Variants in C10orf67 observed in about 807,000 individuals in gnomAD.
C10orf67 encodes chromosome 10 open reading frame 67, also known as uncharacterized protein C10orf67, mitochondrial.
In C10orf67, 60 loss-of-function variants were observed where a neutral mutation model predicts 35.6. That is an observed-to-expected ratio of 1.68 (90% CI 1.37 to 2.09). The LOEUF is 2.09. Ranked by LOEUF, C10orf67 falls within the 30% of genes most tolerant of loss-of-function variation. The pLI is 0.00. For synonymous variants in C10orf67, 167 were observed against 115.8 expected, an observed-to-expected ratio of 1.44 and a Z score of -2.84; for missense variants, 474 against 330.2, an observed-to-expected ratio of 1.44 and a Z score of -3.38.
intron 5 of C10orf67, among the ~76,000 whole-genome samples, chr10:23,292,158 C>CTTTTTTTTTTTTTTT (rs542812504): frequency 1.4e-5 from 1 of 69,316 alleles, no homozygotes; most frequent in Admixed American, 1.5e-4. Flanking sequence ...GACAGCTACT[C>CTTTTTTTTTTTTTTT]TTTTTTTTTT....
chr10:23,299,560 TG>T (rs1248271956), intron 5 of C10orf67, among the ~76,000 whole-genome samples: 1 of 152,080 alleles, frequency 6.6e-6, no homozygotes, highest in Non-Finnish European at 1.5e-5. Flanking sequence ...TAGAAAAGCA[TG>T]TGAAAAGAGT....
chr10:23,336,722 C>T (rs1238479043), intron 1 of C10orf67, among the ~76,000 whole-genome samples: 1 of 152,028 alleles, frequency 6.6e-6, no homozygotes, highest in Non-Finnish European at 1.5e-5. Context: ...CCATGTTGGC[C>T]AGGCCGGTCT....
At chr10:23,344,300 AAG>A in intron 1 of C10orf67, 2 of 480,630 alleles carry the variant, frequency 4.2e-6, no homozygotes, top group Non-Finnish European at 3.7e-6. Context: ...GGGAAGGGGG[AAG>A]AGATGGAAAG....
At chr10:23,259,848 A>G (rs1842700893) in intron 10 of C10orf67, among the ~76,000 whole-genome samples, 1 of 152,172 alleles carries the variant, frequency 6.6e-6, no homozygotes, top group Non-Finnish European at 1.5e-5. Flanking sequence ...GTTAGGTTAA[A>G]AAAAAGACAA....
At chr10:23,263,652 C>T (rs1309834747) in intron 10 of C10orf67, among the ~76,000 whole-genome samples, 2 of 152,128 alleles carry the variant, frequency 1.3e-5, no homozygotes, top group Non-Finnish European at 1.5e-5. Flanking sequence ...ACCATATGTT[C>T]ATCAGTATAG....
intron 10 of C10orf67, among the ~76,000 whole-genome samples, chr10:23,259,207 A>G (rs1298648935): frequency 6.6e-6 from 1 of 152,182 alleles, no homozygotes; most frequent in Non-Finnish European, 1.5e-5. Context: ...TCACCAATAG[A>G]CTGGGCAGCA....
intron 15 of C10orf67, among the ~76,000 whole-genome samples, chr10:23,220,992 C>T (rs966170201): frequency 4.6e-5 from 7 of 152,088 alleles, no homozygotes; most frequent in Middle Eastern, 3.2e-3. Flanking sequence ...TGAAAGTGTT[C>T]GGTTGGGATC....
intron 4 of C10orf67, among the ~76,000 whole-genome samples, chr10:23,312,294 T>A (rs1346999261): frequency 2.6e-5 from 4 of 152,212 alleles, no homozygotes; most frequent in African/African-American, 4.8e-5. Flanking sequence ...TGGTTACAAT[T>A]CATAATTATC....
At chr10:23,274,460 A>G (rs1843122767) in intron 8 of C10orf67, among the ~76,000 whole-genome samples, 1 of 152,128 alleles carries the variant, frequency 6.6e-6, no homozygotes, top group African/African-American at 2.4e-5. Context: ...TTCCTTTCCC[A>G]GGATATTAAT....
intron 8 of C10orf67, among the ~76,000 whole-genome samples, chr10:23,281,158 G>C (rs1588647316): frequency 6.6e-6 from 1 of 152,160 alleles, no homozygotes; most frequent in East Asian, 1.9e-4. Flanking sequence ...TTCGTAGAAG[G>C]CTTTATTGTA....
At chr10:23,324,522 C>T (rs903765479) in intron 2 of C10orf67, among the ~76,000 whole-genome samples, 2 of 152,184 alleles carry the variant, frequency 1.3e-5, no homozygotes, top group African/African-American at 4.8e-5. Context: ...GCAGACTGAT[C>T]CCAATCAAGC....
intron 13 of C10orf67, among the ~76,000 whole-genome samples, chr10:23,229,305 C>T (rs1841838917): frequency 6.6e-6 from 1 of 151,420 alleles, no homozygotes; most frequent in African/African-American, 2.4e-5. Flanking sequence ...AAGCTGGAAA[C>T]CATCATTCTC....
At chr10:23,292,942 G>A (rs1843765370) in intron 5 of C10orf67, among the ~76,000 whole-genome samples, 1 of 151,370 alleles carries the variant, frequency 6.6e-6, no homozygotes. Context: ...TTAATTTCTT[G>A]TCCCACATTG....
rs182812127 is a variant in C10orf67 at position 23,260,851 on chromosome 10, T to C, written c.1200+5411A>G. On this transcript the variant is annotated intron_variant, in intron 10 of 15. Coordinates refer to ENST00000636213, the MANE Select transcript of C10orf67 (RefSeq NM_001371909.1). ...TCTCCTAACTTTTCCAGTGGTTGCA[T>C]AAAAATCTAAACCTTCATATTGAAA... Among the ~76,000 whole-genome samples the C allele has an allele frequency of 1.1e-3, 171 of 152,348 alleles. 1 individual carries two copies. The highest frequency in any genetic ancestry group is 4.0e-3 in the African/African-American group (167 of 41,588).
Position 23,283,561 on chromosome 10 carries a change from G to A in C10orf67, c.910-1483C>T, listed in dbSNP as rs113363669. On this transcript the variant is annotated intron_variant, in intron 7 of 15. Transcript: ENST00000636213. ...CAAGGCCCTCCAACGCACTCAGAAG[G>A]TAATTCAAACCTTTCTGCATGAATA... 6.6e-4 allele frequency among the ~76,000 whole-genome samples: 101 copies of A among 152,204 alleles called. 1 individual carries two copies. The East Asian group carries it at 0.014, about 21-fold the overall frequency.
At chr10:23,301,264 TCGGC>T (rs1844064567) in intron 5 of C10orf67, among the ~76,000 whole-genome samples, 2 of 152,140 alleles carry the variant, frequency 1.3e-5, no homozygotes, top group African/African-American at 4.8e-5. Flanking sequence ...TAGTCGGCCC[TCGGC>T]TTCCCCAAGA....
chr10:23,224,227 C>T (rs1267206888), intron 13 of C10orf67, among the ~76,000 whole-genome samples: 1 of 152,164 alleles, frequency 6.6e-6, no homozygotes, highest in African/African-American at 2.4e-5. Context: ...CAGCAATATT[C>T]ACTGTTCTGC....
chr10:23,256,713 A>T (rs1208484421), intron 10 of C10orf67, among the ~76,000 whole-genome samples: 1 of 151,688 alleles, frequency 6.6e-6, no homozygotes, highest in African/African-American at 2.4e-5. Flanking sequence ...CTTACCAGAT[A>T]CTCATGAGAA....
chr10:23,297,453 C>T (rs201424706), intron 5 of C10orf67, among the ~76,000 whole-genome samples: 2 of 152,262 alleles, frequency 1.3e-5, no homozygotes, highest in East Asian at 3.9e-4. Flanking sequence ...TATATATTCA[C>T]CCTTTTTCCT....
Sources: gnomAD v4.1 joint callset for allele counts (sites outside exome capture counted in the v4.1 genomes callset) on GRCh38, gnomAD v4.1.1 for gene constraint, MANE v1.5 for transcripts, NCBI Gene and HGNC (gene_info 2026-07-23, HGNC 2026-07-21) for gene names.